Variants in MAGI1 observed in about 807,000 individuals in gnomAD.
MAGI1 encodes membrane-associated guanylate kinase, WW and PDZ domain-containing protein 1.
In MAGI1, 58 loss-of-function variants were observed where a neutral mutation model predicts 139.9. The observed-to-expected ratio is 0.41, with a 90% confidence interval of 0.34 to 0.52. The LOEUF is 0.52. Among genes scored for constraint, MAGI1 ranks in the 20% least tolerant of loss-of-function variants. The pLI is 0.12. For missense variants in MAGI1, 1,874 were observed against 1,901.6 expected, an observed-to-expected ratio of 0.99 and a Z score of 0.27; for synonymous variants, 812 against 737.9, an observed-to-expected ratio of 1.10 and a Z score of -1.63.
chr3:65,673,399 G>A (rs1171830640), intron 1 of MAGI1, among the ~76,000 whole-genome samples: 1 of 152,140 alleles, frequency 6.6e-6, no homozygotes, highest in East Asian at 1.9e-4. Context: ...GTAAAAACAT[G>A]TATAAAATAT....
At chr3:65,800,838 A>G (rs2040469891) in intron 1 of MAGI1, among the ~76,000 whole-genome samples, 1 of 152,116 alleles carries the variant, frequency 6.6e-6, no homozygotes, top group Non-Finnish European at 1.5e-5. Flanking sequence ...GAGTGAATCT[A>G]TTTGTCACAC....
chr3:65,843,030 C>G (rs188066333), intron 1 of MAGI1, among the ~76,000 whole-genome samples: 1 of 152,238 alleles, frequency 6.6e-6, no homozygotes, highest in South Asian at 2.1e-4. Flanking sequence ...CTACAATGGT[C>G]TTCAATGATC....
chr3:65,693,094 C>T (rs1270794083), intron 1 of MAGI1, among the ~76,000 whole-genome samples: 1 of 152,026 alleles, frequency 6.6e-6, no homozygotes, highest in Non-Finnish European at 1.5e-5. Context: ...AGATACTATG[C>T]CTGGCTATTT....
intron 12 of MAGI1, among the ~76,000 whole-genome samples, chr3:65,423,794 T>C (rs1946805812): frequency 6.6e-6 from 1 of 152,240 alleles, no homozygotes; most frequent in Non-Finnish European, 1.5e-5. Flanking sequence ...AGGACTCTTA[T>C]GAATTATGAT....
Position 65,356,817 on chromosome 3 carries a change from C to T in MAGI1, c.3950G>A (p.Gly1317Asp). ...CTTCTCTGGGGACCGCCTCTTGGGG[C>T]CGTTGGCGGCTGCCGCGCGCTCGGC... ...AQAERAAAAN[G>D]PKRRSPEKRR... Residue 1317 changes from glycine to aspartate, a missense_variant, in exon 23 of 23, where the codon GGC becomes GAC. Physicochemically the swap from Gly to Asp is moderately conservative, Grantham distance 94 (BLOSUM62 -1). Coordinates refer to ENST00000402939, the MANE Select transcript of MAGI1 (RefSeq NM_001033057.2). 6.2e-7 allele frequency: 1 copy of T among 1,611,850 alleles called. No individual in the cohort carries two copies. Among genetic ancestry groups the T allele is most frequent in the Admixed American group, 1.7e-5 (1 of 59,856 alleles).
Position 65,442,808 on chromosome 3 carries a change from C to A in MAGI1, c.1120G>T (p.Gly374Cys). ...GWEKIEDPVY[G>C]IYYVDHINRK... Reference sequence around the variant, plus strand: ...GGCACTTACTCTACATAGTAGATACCATAGACAGGGTCTTCAATCTTTTCC... The same window carrying A: ...GGCACTTACTCTACATAGTAGATACAATAGACAGGGTCTTCAATCTTTTCC... The change falls in exon 8 of 23, where the codon GGT becomes TGT. Residue 374 changes from glycine to cysteine, a missense_variant. By Grantham distance (159) the Gly-to-Cys change is radical (BLOSUM62 -3). This residue lies in a region of MAGI1 where 648 missense variants were observed against 598.1 expected (regional missense o/e 1.08). Coordinates refer to ENST00000402939, the MANE Select transcript of MAGI1 (RefSeq NM_001033057.2). The A allele has an allele frequency of 6.2e-7, 1 of 1,612,718 alleles. No individual in the cohort carries two copies. Among genetic ancestry groups the A allele is most frequent in the Non-Finnish European group, 8.5e-7 (1 of 1,179,106 alleles).
At chr3:65,609,858 T>C in intron 2 of MAGI1, 1 of 227,974 alleles carries the variant, frequency 4.4e-6, no homozygotes, top group South Asian at 4.6e-5. Flanking sequence ...ATTATAGGCT[T>C]GAGCCATCAC....
chr3:65,958,252 G>C (rs747808621), intron 1 of MAGI1, among the ~76,000 whole-genome samples: 4 of 152,150 alleles, frequency 2.6e-5, no homozygotes, highest in Non-Finnish European at 5.9e-5. Flanking sequence ...GAAAAAATAG[G>C]TACAGTGTAA....
intron 1 of MAGI1, among the ~76,000 whole-genome samples, chr3:65,692,798 C>A (rs529353384): frequency 6.6e-6 from 1 of 152,180 alleles, no homozygotes. Context: ...TCTTGTGAGC[C>A]CCCTTGCCAT....
At chr3:65,601,286 T>C (rs1048778899) in intron 2 of MAGI1, among the ~76,000 whole-genome samples, 7 of 152,128 alleles carry the variant, frequency 4.6e-5, no homozygotes, top group African/African-American at 1.7e-4. Flanking sequence ...TTAATAGAAA[T>C]GTCCTTTGGA....
intron 2 of MAGI1, among the ~76,000 whole-genome samples, chr3:65,506,896 T>C (rs569450363): frequency 6.6e-6 from 1 of 152,186 alleles, no homozygotes. Context: ...AAAAAGGAGT[T>C]TATGCCCATT....
rs746807479 is a variant in MAGI1, at chr3:65,530,757, GTATATA to G, written c.431-37132_431-37127del. 1.2e-3 allele frequency among the ~76,000 whole-genome samples: 23 copies of G among 19,306 alleles called. 1 individual carries two copies. Among genetic ancestry groups the G allele is most frequent in the East Asian group, 0.011 (4 of 374 alleles). The allele number at this position is 19,306 out of a possible 152,430, so 12.7% of individuals were successfully genotyped here. On this transcript the variant is annotated intron_variant, in intron 2 of 22. Coordinates refer to ENST00000402939, the MANE Select transcript of MAGI1 (RefSeq NM_001033057.2). ...TATATATATGCACATATATATACAC[GTATATA>G]TATATATATACACACATATATATAC...
At chr3:65,788,917 C>G (rs905490833) in intron 1 of MAGI1, among the ~76,000 whole-genome samples, 10 of 152,052 alleles carry the variant, frequency 6.6e-5, no homozygotes, top group Non-Finnish European at 1.5e-4. Context: ...GTGACTTTTG[C>G]CTATAATCCC....
At chr3:65,365,103 A>G (rs186014415) in intron 18 of MAGI1, 157 bp from the exon 19 acceptor site, 2 of 777,756 alleles carry the variant, frequency 2.6e-6, no homozygotes, top group South Asian at 1.4e-5. Flanking sequence ...TAGGAGTTTA[A>G]TAAACCATTT....
intron 1 of MAGI1, among the ~76,000 whole-genome samples, chr3:65,962,830 G>GA (rs777177760): frequency 2.8e-3 from 167 of 59,148 alleles, no homozygotes; most frequent in Middle Eastern, 9.4e-3. Context: ...GTCTCGGGGG[G>GA]AAAAAAAAAA....
chr3:65,610,594 G>A (rs1233308317), intron 2 of MAGI1, among the ~76,000 whole-genome samples: 4 of 151,242 alleles, frequency 2.6e-5, no homozygotes, highest in African/African-American at 9.7e-5. Context: ...TGGAAATAAG[G>A]AATATGTATC....
At chr3:65,453,625 C>A (rs1039004868) in intron 5 of MAGI1, among the ~76,000 whole-genome samples, 1 of 151,982 alleles carries the variant, frequency 6.6e-6, no homozygotes, top group Non-Finnish European at 1.5e-5. Flanking sequence ...ACAAATGATA[C>A]CCCTTGCGTA....
chr3:65,589,427 C>A (rs983376162), intron 2 of MAGI1, among the ~76,000 whole-genome samples: 1 of 152,108 alleles, frequency 6.6e-6, no homozygotes, highest in African/African-American at 2.4e-5. Flanking sequence ...ACCTCTTCCT[C>A]TCCCTTGCAC....
intron 1 of MAGI1, among the ~76,000 whole-genome samples, chr3:65,701,372 C>T (rs558918202): frequency 6.6e-6 from 1 of 152,288 alleles, no homozygotes; most frequent in South Asian, 2.1e-4. Context: ...CCTGTTTCAG[C>T]CTCCCAAGTA....
Sources: allele counts gnomAD v4.1 joint callset (sites outside exome capture counted in the v4.1 genomes callset), GRCh38; gene constraint gnomAD v4.1.1; regional missense constraint gnomAD v4.1.1; transcripts MANE v1.5; gene names NCBI Gene and HGNC (gene_info 2026-07-23, HGNC 2026-07-21).